The following RASA4 variants were observed in gnomAD, a reference collection of about 807,000 sequenced individuals.
The protein encoded by RASA4 is ras GTPase-activating protein 4.
A neutral mutation model predicts 24.0 loss-of-function variants in RASA4; 5 were observed. That is an observed-to-expected ratio of 0.21 (90% confidence interval 0.11 to 0.44). The LOEUF (loss-of-function observed/expected upper bound fraction) is 0.44, where lower values mean the gene tolerates loss of function less well. Ranked by LOEUF, RASA4 falls within the 20% of genes least tolerant of loss-of-function variation. The pLI, the probability that RASA4 is intolerant of heterozygous loss-of-function variation, is 0.99. For synonymous variants in RASA4, 9 were observed against 132.7 expected (o/e 0.07, Z 6.41); for missense variants, 38 against 293.0 (o/e 0.13, Z 6.35).
chr7:102,592,002 T>G (rs1790023535), intron 16 of RASA4, among the ~76,000 whole-genome samples: 2 of 152,166 alleles, frequency 1.3e-5, no homozygotes, highest in Admixed American at 6.5e-5. Flanking sequence ...CCCGGCTGAT[T>G]TTTTGTATTT....
At chr7:102,608,276 T>TTAAA (rs372805684) in intron 4 of RASA4, among the ~76,000 whole-genome samples, 3,338 of 62,742 alleles carry the variant, frequency 0.053, 33 homozygotes, top group African/African-American at 0.11. Context: ...GCCTTTTTTT[T>TTAAA]AAAAAAAAAC....
chr7:102,590,858 T>G (rs1206280872), intron 16 of RASA4, among the ~76,000 whole-genome samples: 3 of 139,850 alleles, frequency 2.1e-5, no homozygotes, highest in African/African-American at 8.6e-5. Context: ...GAGAATCGCT[T>G]GAACCCGGGA....
chr7:102,592,069 A>C (rs2133446290), intron 16 of RASA4, among the ~76,000 whole-genome samples: 1 of 150,638 alleles, frequency 6.6e-6, no homozygotes, highest in African/African-American at 2.5e-5. Flanking sequence ...TCCTAACCTC[A>C]AGTGATCCAC....
chr7:102,593,481 TG>T (rs1446397756), intron 14 of RASA4, among the ~76,000 whole-genome samples: 1 of 43,064 alleles, frequency 2.3e-5, no homozygotes, highest in Non-Finnish European at 4.2e-5. Flanking sequence ...ACCGACAGGA[TG>T]GGCGGCCTTG....
chr7:102,590,637 C>T (rs1789933945), intron 16 of RASA4, among the ~76,000 whole-genome samples: 1 of 137,508 alleles, frequency 7.3e-6, no homozygotes, highest in African/African-American at 3.0e-5. Context: ...TTTGTAGTCC[C>T]AGGCTCTAAT....
rs561023061 is a variant in RASA4, at chr7:102,613,791, A to C, written c.66-2649T>G. ...CAAAATAGCCTTGGGCCAGTCCCCA[A>C]GGCCACTTGGTGTGGGAGGCAGTGG... On this transcript the variant is annotated intron_variant, in intron 1 of 20. Transcript: ENST00000262940. Among the ~76,000 whole-genome samples, 4 of 152,148 alleles carry C rather than the reference A, an allele frequency of 2.6e-5. No individual in the cohort carries two copies. In the South Asian group the frequency reaches 8.3e-4, roughly 32 times the overall value.
chr7:102,587,848 C>G, intron 17 of RASA4, 78 bp from the exon 18 acceptor site: 1 of 75,656 alleles, frequency 1.3e-5, no homozygotes. Context: ...AGCTCCTGTA[C>G]CACGCCAGAC....
At position 102,588,812 on chromosome 7, in the gene RASA4, A is replaced by C. The variant is rs769758026; in HGVS notation, c.1969-1042T>G. Among the ~76,000 whole-genome samples the C allele has an allele frequency of 3.6e-3, 20 of 5,604 alleles. 6 individuals are homozygous for C. Among genetic ancestry groups the C allele is most frequent in the African/African-American group, 4.7e-3 (16 of 3,402 alleles). 3.7% of individuals were successfully genotyped at this position (5,604 alleles called of 152,430 possible). The stretch of plus-strand genomic sequence containing the variant: ...CCCAAGTAGCTGGGACTACAGGCGC[A>C]CACCACCACACCCAGCTACTTTTTG... On this transcript the variant is annotated intron_variant, in intron 17 of 20. Coordinates refer to ENST00000262940, the MANE Select transcript of RASA4 (RefSeq NM_006989.6).
intron 4 of RASA4, among the ~76,000 whole-genome samples, chr7:102,606,400 A>AT (rs1790663525): frequency 1.1e-4 from 2 of 17,964 alleles, no homozygotes; most frequent in African/African-American, 6.5e-4. Flanking sequence ...CATCTCAAAA[A>AT]AAAAAAAAAA....
At chr7:102,588,666 AATTT>A (rs1337308313) in intron 17 of RASA4, among the ~76,000 whole-genome samples, 1 of 2,980 alleles carries the variant, frequency 3.4e-4, no homozygotes, top group African/African-American at 5.0e-4. Context: ...TTTACTAATT[AATTT>A]ATTTATTTAT....
intron 16 of RASA4, among the ~76,000 whole-genome samples, chr7:102,590,553 T>G (rs138098691): frequency 3.5e-3 from 288 of 82,936 alleles, no homozygotes; most frequent in African/African-American, 0.012. Context: ...CAGCCAGCAT[T>G]CCCTGGGCTA....
intron 5 of RASA4, among the ~76,000 whole-genome samples, chr7:102,602,968 T>G (rs113905264): frequency 6.7e-6 from 1 of 148,732 alleles, no homozygotes; most frequent in Non-Finnish European, 1.5e-5. Flanking sequence ...CTCCAGCTTT[T>G]TTTTTTTTTT....
intron 5 of RASA4, among the ~76,000 whole-genome samples, chr7:102,605,474 C>T (rs1156909277): frequency 1.4e-4 from 2 of 14,786 alleles, no homozygotes; most frequent in African/African-American, 1.5e-4. Flanking sequence ...AGTGCAGTGG[C>T]GCCATCTCGG....
intron 2 of RASA4, among the ~76,000 whole-genome samples, chr7:102,610,588 C>T: frequency 6.6e-6 from 1 of 151,836 alleles, no homozygotes; most frequent in Non-Finnish European, 1.5e-5. Context: ...AGAGCCAGGA[C>T]CAGGGAGGGG....
In RASA4 at chr7:102,605,931, C is replaced by G. The variant is rs755207081; in HGVS notation, c.355G>C (p.Glu119Gln). 10 of 1,598,952 alleles carry G rather than the reference C, an allele frequency of 6.3e-6. No homozygotes were observed. The highest frequency in any genetic ancestry group is 8.5e-6 in the Non-Finnish European group (10 of 1,172,506). The change falls in exon 5 of 21, where the codon GAG becomes CAG. Residue 119 changes from glutamate (E) to glutamine (Q), a missense_variant. Transcript: ENST00000262940. Reference sequence around the variant, plus strand: ...CACACTTCCAGCCGCAGGTGGATCTCGCCCTGCACCTCCTCATCGGGGTCG... The same window carrying G: ...CACACTTCCAGCCGCAGGTGGATCTGGCCCTGCACCTCCTCATCGGGGTCG... ...EVDPDEEVQG[E>Q]IHLRLEVWPG...
intron 5 of RASA4, among the ~76,000 whole-genome samples, chr7:102,603,292 G>A: frequency 9.4e-6 from 1 of 106,032 alleles, no homozygotes; most frequent in Non-Finnish European, 2.1e-5. Flanking sequence ...TTTTTAAACA[G>A]GGTCTTGCTC....
chr7:102,603,856 A>ACCCAC (rs1790483803), intron 5 of RASA4, among the ~76,000 whole-genome samples: 1 of 101,964 alleles, frequency 9.8e-6, no homozygotes, highest in Non-Finnish European at 2.4e-5. Flanking sequence ...AAAAAAAAAA[A>ACCCAC]AAAACCACCA....
At chr7:102,604,626 G>A (rs1419232304) in intron 5 of RASA4, among the ~76,000 whole-genome samples, 11 of 147,734 alleles carry the variant, frequency 7.4e-5, no homozygotes, top group African/African-American at 1.2e-4. Context: ...GGGGTGGGGC[G>A]GGGGGGAATG....
intron 5 of RASA4, among the ~76,000 whole-genome samples, 160 bp downstream of exon 5, chr7:102,605,698 C>T (rs1286468753): frequency 6.6e-6 from 1 of 152,238 alleles, no homozygotes; most frequent in Admixed American, 6.5e-5. Context: ...GTGTGAGACG[C>T]CGTGCCTGGC....
Sources: allele counts gnomAD v4.1 joint callset (sites outside exome capture counted in the v4.1 genomes callset), GRCh38; gene constraint gnomAD v4.1.1; transcripts MANE v1.5; gene names NCBI Gene and HGNC (gene_info 2026-07-23, HGNC 2026-07-21).